GLCE: variants seen among roughly 807,000 people sequenced by gnomAD.
GLCE encodes D-glucuronyl C5-epimerase.
GLCE carries 19 observed loss-of-function variants against 47.9 expected under a neutral mutation model. The ratio of observed to expected loss-of-function variants is 0.40; its 90% CI spans 0.28 to 0.58. GLCE has a LOEUF of 0.58. Ranked by LOEUF, GLCE falls within the 20% of genes least tolerant of loss-of-function variation. GLCE has a pLI of 0.48. For missense variants in GLCE, 556 were observed against 743.3 expected, an observed-to-expected ratio of 0.75 and a Z score of 2.93; for synonymous variants, 245 against 263.4, an observed-to-expected ratio of 0.93 and a Z score of 0.68.
At chr15:69,205,375 C>T (rs1355408169) in intron 1 of GLCE, among the ~76,000 whole-genome samples, 1 of 152,010 alleles carries the variant, frequency 6.6e-6, no homozygotes, top group Non-Finnish European at 1.5e-5. Flanking sequence ...GGATGTACCA[C>T]AGTTTGTTTA....
chr15:69,205,251 A>T (rs1235528744), intron 1 of GLCE, among the ~76,000 whole-genome samples: 5 of 152,032 alleles, frequency 3.3e-5, no homozygotes. Flanking sequence ...GCATGAAGCC[A>T]TTTAAGACTG....
intron 1 of GLCE, among the ~76,000 whole-genome samples, chr15:69,161,797 A>C (rs1388641182): frequency 6.6e-6 from 1 of 152,050 alleles, no homozygotes; most frequent in Non-Finnish European, 1.5e-5. Context: ...CGGGAGCTAG[A>C]GTGGCAGCAC....
At chr15:69,192,602 C>T (rs1213575209) in intron 1 of GLCE, among the ~76,000 whole-genome samples, 4 of 151,894 alleles carry the variant, frequency 2.6e-5, no homozygotes, top group East Asian at 3.9e-4. Context: ...AGTTTTTTAT[C>T]GAATGCTCAT....
chr15:69,211,272 G>A (rs1453250547), intron 2 of GLCE, among the ~76,000 whole-genome samples: 2 of 151,958 alleles, frequency 1.3e-5, no homozygotes, highest in African/African-American at 4.8e-5. Flanking sequence ...TAAAGGTCAA[G>A]CTTGTTCTCA....
At chr15:69,170,765 G>A (rs919231809) in intron 1 of GLCE, among the ~76,000 whole-genome samples, 2 of 152,148 alleles carry the variant, frequency 1.3e-5, no homozygotes, top group Admixed American at 6.5e-5. Context: ...AGTATTTGGC[G>A]GTAATTTTCT....
intron 3 of GLCE, 144 bp from the exon 4 acceptor site, chr15:69,260,943 A>G (rs780985253): frequency 1.9e-5 from 13 of 673,582 alleles, no homozygotes; most frequent in African/African-American, 5.4e-5. Flanking sequence ...AGATCTGGTC[A>G]TTATGAGAGC....
At chr15:69,206,142 A>G (rs921140271) in intron 1 of GLCE, among the ~76,000 whole-genome samples, 1 of 151,990 alleles carries the variant, frequency 6.6e-6, no homozygotes, top group African/African-American at 2.4e-5. Context: ...TTTGTTTTTC[A>G]TAAACTTGAT....
chr15:69,174,868 C>T (rs550195303), intron 1 of GLCE, among the ~76,000 whole-genome samples: 4 of 152,216 alleles, frequency 2.6e-5, no homozygotes, highest in South Asian at 2.1e-4. Flanking sequence ...AAAGTCATCT[C>T]GGGTTCTTCT....
chr15:69,255,857 C>T lies in GLCE; in HGVS notation c.51C>T (p.Cys17=), dbSNP rs150155724. ...ACTATAAGACTTTGATTATTATCTG[C>T]GCACTCTTCACTTTGGTCACAGTAC... ...RVNYKTLIII[C]ALFTLVTVLL... is the part of the protein sequence containing the mutation. The change falls in exon 3 of 5, where the codon TGC becomes TGT. Residue 17 remains cysteine, a synonymous_variant. Transcript: ENST00000261858. 10,300 of 1,613,908 alleles carry T rather than the reference C, an allele frequency of 6.4e-3. 41 individuals carry two copies. The highest frequency in any genetic ancestry group is 7.9e-3 in the Non-Finnish European group (9,376 of 1,179,878).
intron 2 of GLCE, among the ~76,000 whole-genome samples, chr15:69,244,037 A>G (rs929074930): frequency 2.0e-5 from 3 of 152,238 alleles, no homozygotes; most frequent in Admixed American, 6.5e-5. Flanking sequence ...CTTTTAGAAC[A>G]TGAGTACATT....
In GLCE at chr15:69,160,637, A is replaced by G. The variant is rs1190472131; in HGVS notation, c.-225A>G. 4 of 152,756 alleles carry G rather than the reference A, an allele frequency of 2.6e-5. No homozygotes were observed. The highest frequency in any genetic ancestry group is 4.4e-5 in the Non-Finnish European group (3 of 68,170). The allele number at this position is 152,756 out of a possible 1,614,324, so 9.5% of individuals were successfully genotyped here. A position where few individuals can be genotyped will look rare whatever the true frequency, so the allele number is the denominator to read the frequency against. On this transcript the variant is annotated 5_prime_UTR_variant, in exon 1 of 5. Coordinates refer to ENST00000261858, the MANE Select transcript of GLCE (RefSeq NM_015554.3). This position sits in a 1 kb window ranked among gnomAD's most constrained non-coding sequence, Gnocchi z 4.2. Reference sequence around the variant, plus strand: ...CGCGGAGCGGGAGGGCTCTCCTCACACAAGCGCTTCCTTGCCGAGAGGCTG... The same window carrying G: ...CGCGGAGCGGGAGGGCTCTCCTCACGCAAGCGCTTCCTTGCCGAGAGGCTG...
intron 2 of GLCE, among the ~76,000 whole-genome samples, chr15:69,249,754 T>G (rs1280850537): frequency 6.6e-6 from 1 of 152,214 alleles, no homozygotes; most frequent in East Asian, 1.9e-4. Flanking sequence ...GTTCCTGATA[T>G]TTAGTGAATT....
At chr15:69,222,929 C>T (rs899160880) in intron 2 of GLCE, among the ~76,000 whole-genome samples, 2 of 152,166 alleles carry the variant, frequency 1.3e-5, no homozygotes, top group African/African-American at 2.4e-5. Context: ...TTATAACACT[C>T]TAATTTGAGC....
intron 2 of GLCE, among the ~76,000 whole-genome samples, chr15:69,245,074 G>A (rs2052727337): frequency 6.6e-6 from 1 of 152,212 alleles, no homozygotes; most frequent in Non-Finnish European, 1.5e-5. Context: ...ACTCACAGCT[G>A]TAATCCCAGC....
chr15:69,165,309 C>T (rs1266319232), intron 1 of GLCE, among the ~76,000 whole-genome samples: 1 of 152,150 alleles, frequency 6.6e-6, no homozygotes, highest in Admixed American at 6.5e-5. Context: ...CATCATCTGA[C>T]TAATCTTATG....
At chr15:69,212,061 A>T (rs2052240429) in intron 2 of GLCE, among the ~76,000 whole-genome samples, 1 of 151,834 alleles carries the variant, frequency 6.6e-6, no homozygotes, top group South Asian at 2.1e-4. Context: ...TATACATTTG[A>T]GTTATGAAAG....
chr15:69,195,952 C>T (rs2051983587), intron 1 of GLCE, among the ~76,000 whole-genome samples: 1 of 151,946 alleles, frequency 6.6e-6, no homozygotes, highest in Non-Finnish European at 1.5e-5. Flanking sequence ...TACATTCTAG[C>T]TGAGAGGGAA....
chr15:69,192,461 G>A (rs531932787), intron 1 of GLCE, among the ~76,000 whole-genome samples: 1 of 152,066 alleles, frequency 6.6e-6, no homozygotes, highest in Non-Finnish European at 1.5e-5. Flanking sequence ...TGCTGTTGAG[G>A]AAACATTTGT....
chr15:69,186,783 C>T (rs935073322), intron 1 of GLCE, among the ~76,000 whole-genome samples: 2 of 152,146 alleles, frequency 1.3e-5, no homozygotes, highest in Non-Finnish European at 1.5e-5. Context: ...AAGGTATCAA[C>T]TAGGTATTAT....
Sources: allele counts gnomAD v4.1 joint callset (sites outside exome capture counted in the v4.1 genomes callset), GRCh38; gene constraint gnomAD v4.1.1; non-coding constraint Gnocchi (gnomAD v3.1); transcripts MANE v1.5; gene names NCBI Gene and HGNC (gene_info 2026-07-23, HGNC 2026-07-21).